The following ACER1 variants were observed in gnomAD, a reference collection of about 807,000 sequenced individuals.
The protein encoded by ACER1 is alkaline ceramidase 1.
A neutral mutation model predicts 24.9 loss-of-function variants in ACER1; 28 were observed. The ratio of observed to expected loss-of-function variants is 1.13; its 90% CI spans 0.83 to 1.54. The LOEUF (loss-of-function observed/expected upper bound fraction) is 1.54. Among genes scored for constraint, ACER1 ranks in the 40% most tolerant of loss-of-function variants. The pLI is 0.00. For synonymous variants in ACER1, 132 were observed against 131.4 expected (o/e 1.00, Z -0.03); for missense variants, 352 against 349.3 (o/e 1.01, Z -0.06).
chr19:6,316,663 A>G (rs1233770264), intron 1 of ACER1, among the ~76,000 whole-genome samples: 1 of 151,876 alleles, frequency 6.6e-6, no homozygotes, highest in African/African-American at 2.4e-5. Context: ...TACTAAAGAT[A>G]CAAAAAATTA....
intron 1 of ACER1, among the ~76,000 whole-genome samples, chr19:6,315,911 C>T (rs1270550661): frequency 6.6e-6 from 1 of 152,158 alleles, no homozygotes; most frequent in Admixed American, 6.6e-5. Flanking sequence ...AGGCAAATCA[C>T]GAAGTCAGGA....
At chr19:6,335,854 C>T (rs146860087), upstream of ACER1, among the ~76,000 whole-genome samples, 8 of 151,142 alleles carry the variant, frequency 5.3e-5, no homozygotes, top group African/African-American at 1.5e-4. Flanking sequence ...AAATCCTAAG[C>T]GCCAGGAACT....
chr19:6,340,590 G>C, the ACER1 span, among the ~76,000 whole-genome samples: 1 of 152,158 alleles, frequency 6.6e-6, no homozygotes, highest in Admixed American at 6.6e-5. Context: ...GGGTGGAGCA[G>C]ATGGTCTCTG....
At chr19:6,322,399 C>T (rs954103542) in intron 1 of ACER1, among the ~76,000 whole-genome samples, 10 of 152,060 alleles carry the variant, frequency 6.6e-5, no homozygotes, top group African/African-American at 2.4e-4. Flanking sequence ...TGTAGCAGCT[C>T]CTATTTGACT....
chr19:6,308,184 C>T (rs2091561037), intron 4 of ACER1, among the ~76,000 whole-genome samples: 1 of 152,120 alleles, frequency 6.6e-6, no homozygotes, highest in African/African-American at 2.4e-5. Flanking sequence ...CCTGTAATCC[C>T]AGCACTTTGG....
chr19:6,331,199 G>A (rs111393071), intron 1 of ACER1, among the ~76,000 whole-genome samples: 7,568 of 145,944 alleles, frequency 0.052, 700 homozygotes, highest in African/African-American at 0.12. Context: ...CACCAGGCTG[G>A]AGTGCAGTGA....
Position 6,326,775 on chromosome 19 carries a change from T to TTA in ACER1, c.93+6682_93+6683dup, listed in dbSNP as rs755959927. Among the ~76,000 whole-genome samples the TTA allele has an allele frequency of 4.9e-4, 74 of 152,070 alleles. 1 individual carries two copies. Among genetic ancestry groups the TTA allele is most frequent in the Non-Finnish European group, 1.9e-4 (13 of 68,000 alleles). ...CCAGGATCATCCAGCAGCGGTGGGT[T>TTA]TATAGCATTTTGATTGAATAAATGA... On this transcript the variant is annotated intron_variant, in intron 1 of 5. Coordinates refer to ENST00000301452, the MANE Select transcript of ACER1 (RefSeq NM_133492.3).
At chr19:6,326,944 G>A (rs2091664222) in intron 1 of ACER1, among the ~76,000 whole-genome samples, 1 of 152,076 alleles carries the variant, frequency 6.6e-6, no homozygotes. Context: ...TTGACTTCCA[G>A]AACTGAGCAC....
At chr19:6,333,723 G>A, upstream of ACER1, 2 of 565,654 alleles carry the variant, frequency 3.5e-6, no homozygotes, top group African/African-American at 1.9e-5. Flanking sequence ...GCCTGGCTGT[G>A]CAGTGACAGC....
upstream of ACER1, among the ~76,000 whole-genome samples, chr19:6,337,077 G>A (rs2091717318): frequency 6.6e-6 from 1 of 151,748 alleles, no homozygotes; most frequent in South Asian, 2.1e-4. Context: ...TCAGGAGACT[G>A]AGGCAGGAGA....
the ACER1 span, among the ~76,000 whole-genome samples, chr19:6,350,291 C>A: frequency 6.6e-6 from 1 of 152,136 alleles, no homozygotes; most frequent in African/African-American, 2.4e-5. Flanking sequence ...CATGGTGAAA[C>A]CCCGTCTCAA....
intron 1 of ACER1, among the ~76,000 whole-genome samples, chr19:6,331,167 T>C (rs1261835592): frequency 6.8e-6 from 1 of 147,832 alleles, no homozygotes; most frequent in South Asian, 2.1e-4. Flanking sequence ...TTTTTTTTTT[T>C]TGAGATGAGG....
intron 1 of ACER1, 62 bp downstream of exon 1, chr19:6,333,397 G>T (rs2091698228): frequency 7.2e-7 from 1 of 1,393,354 alleles, no homozygotes; most frequent in South Asian, 1.3e-5. Flanking sequence ...AAGGCTGTAT[G>T]GGGAGGAACC....
intron 1 of ACER1, among the ~76,000 whole-genome samples, chr19:6,312,868 G>C (rs930399676): frequency 6.6e-6 from 1 of 151,780 alleles, no homozygotes; most frequent in African/African-American, 2.4e-5. Flanking sequence ...GTAGAGACAG[G>C]GTTTCACCAT....
the ACER1 span, among the ~76,000 whole-genome samples, chr19:6,353,865 A>G: frequency 6.6e-6 from 1 of 150,848 alleles, no homozygotes; most frequent in African/African-American, 2.4e-5. Flanking sequence ...AAAATAAAAT[A>G]AAATAAATAA....
intron 1 of ACER1, among the ~76,000 whole-genome samples, chr19:6,323,399 T>C (rs890257107): frequency 6.0e-5 from 9 of 149,236 alleles, no homozygotes; most frequent in East Asian, 2.0e-4. Flanking sequence ...CCAGCCTGGG[T>C]GACAGCGAGA....
At chr19:6,357,560 T>C in the ACER1 span, among the ~76,000 whole-genome samples, 6 of 151,842 alleles carry the variant, frequency 4.0e-5, no homozygotes, top group African/African-American at 7.3e-5. Context: ...TCATTTGAGG[T>C]CAGGAGTTCG....
At chr19:6,358,751 T>A in the ACER1 span, among the ~76,000 whole-genome samples, 1 of 149,974 alleles carries the variant, frequency 6.7e-6, no homozygotes, top group Non-Finnish European at 1.5e-5. Flanking sequence ...CTGACCAACA[T>A]GGAGAAACCC....
intron 1 of ACER1, among the ~76,000 whole-genome samples, chr19:6,323,385 C>G (rs2091642198): frequency 6.6e-6 from 1 of 150,860 alleles, no homozygotes; most frequent in Non-Finnish European, 1.5e-5. Context: ...CACGCCACTG[C>G]ACTCCAGCCT....
Sources: gnomAD v4.1 joint callset for allele counts (sites outside exome capture counted in the v4.1 genomes callset) on GRCh38, gnomAD v4.1.1 for gene constraint, MANE v1.5 for transcripts, NCBI Gene and HGNC (gene_info 2026-07-23, HGNC 2026-07-21) for gene names.